LHFPL4: variants seen among roughly 807,000 people sequenced by gnomAD.
The protein encoded by LHFPL4 is LHFPL tetraspan subfamily member 4, also known as LHFPL tetraspan subfamily member 4 protein.
LHFPL4 carries 6 observed loss-of-function variants against 20.0 expected under a neutral mutation model. The observed-to-expected ratio is 0.30, with a 90% confidence interval of 0.16 to 0.59. LHFPL4 has a LOEUF of 0.59. Among genes scored for constraint, LHFPL4 ranks in the 20% least tolerant of loss-of-function variants. LHFPL4 has a pLI of 0.88. For missense variants in LHFPL4, 215 were observed against 331.2 expected (o/e 0.65, Z 2.72); for synonymous variants, 129 against 143.8 (o/e 0.90, Z 0.74).
Position 9,510,525 on chromosome 3 carries a change from T to C in LHFPL4, c.407-4322A>G, listed in dbSNP as rs536058781. On this transcript the variant is annotated intron_variant, in intron 2 of 3. Transcript: ENST00000287585. Reference sequence around the variant, plus strand: ...GGCAGAGGCTCTAGGATGGGATATCTCTATCCAGCTACCCCATGGTCCTAC... The same window carrying C: ...GGCAGAGGCTCTAGGATGGGATATCCCTATCCAGCTACCCCATGGTCCTAC... Among the ~76,000 whole-genome samples, 6 of 151,846 alleles carry C rather than the reference T, an allele frequency of 4.0e-5. No homozygotes were observed. In the East Asian group the frequency reaches 1.2e-3, roughly 29 times the overall value.
intron 2 of LHFPL4, among the ~76,000 whole-genome samples, chr3:9,546,437 T>C (rs982073662): frequency 4.6e-5 from 7 of 152,116 alleles, no homozygotes; most frequent in Non-Finnish European, 1.0e-4. Context: ...CCAGCTTCCA[T>C]TCCATTCTAC....
chr3:9,531,027 C>T (rs2046405377), intron 2 of LHFPL4, among the ~76,000 whole-genome samples: 1 of 152,126 alleles, frequency 6.6e-6, no homozygotes, highest in Non-Finnish European at 1.5e-5. Context: ...AATAGGAAAG[C>T]CAAAGGAGGG....
chr3:9,545,051 G>A (rs1174727533), intron 2 of LHFPL4, among the ~76,000 whole-genome samples: 1 of 152,020 alleles, frequency 6.6e-6, no homozygotes, highest in African/African-American at 2.4e-5. Flanking sequence ...CTAGCACAGT[G>A]CCTGACACAC....
intron 2 of LHFPL4, among the ~76,000 whole-genome samples, chr3:9,523,990 C>CA (rs112931913): frequency 5.1e-5 from 7 of 137,570 alleles, no homozygotes; most frequent in Non-Finnish European, 9.1e-5. Flanking sequence ...ATTTCCCCCC[C>CA]CCCCAACACT....
At chr3:9,504,427 C>T (rs1218846208) in intron 3 of LHFPL4, among the ~76,000 whole-genome samples, 1 of 151,312 alleles carries the variant, frequency 6.6e-6, no homozygotes, top group Non-Finnish European at 1.5e-5. Flanking sequence ...TTTGCATATA[C>T]CTCCACGCTC....
At chr3:9,525,098 G>T (rs1317890825) in intron 2 of LHFPL4, among the ~76,000 whole-genome samples, 1 of 152,144 alleles carries the variant, frequency 6.6e-6, no homozygotes, top group Non-Finnish European at 1.5e-5. Context: ...CAGCAGGTTA[G>T]GCTCTAGTCA....
At chr3:9,507,922 T>G (rs1347163691) in intron 2 of LHFPL4, among the ~76,000 whole-genome samples, 2 of 152,224 alleles carry the variant, frequency 1.3e-5, no homozygotes. Flanking sequence ...GGGGCCCTCG[T>G]ATTGCCAGTC....
chr3:9,507,018 C>A (rs887320332), intron 2 of LHFPL4, among the ~76,000 whole-genome samples: 7 of 152,208 alleles, frequency 4.6e-5, no homozygotes, highest in Non-Finnish European at 8.8e-5. Flanking sequence ...TATGGAGTGC[C>A]AATGATAGGA....
At chr3:9,550,202 C>A (rs574109261) in intron 2 of LHFPL4, among the ~76,000 whole-genome samples, 2 of 152,292 alleles carry the variant, frequency 1.3e-5, no homozygotes, top group African/African-American at 4.8e-5. Flanking sequence ...GGCTTCTGGC[C>A]TGGTGTCACT....
chr3:9,517,679 T>A (rs1211710438), intron 2 of LHFPL4, among the ~76,000 whole-genome samples: 18 of 114,332 alleles, frequency 1.6e-4, no homozygotes, highest in Non-Finnish European at 3.0e-4. Context: ...AGAGCTAGAC[T>A]CTGTCTCAAA....
At chr3:9,549,371 C>T (rs1041788313) in intron 2 of LHFPL4, among the ~76,000 whole-genome samples, 4 of 152,178 alleles carry the variant, frequency 2.6e-5, no homozygotes, top group South Asian at 2.1e-4. Context: ...ATGCTCTGCA[C>T]TCAGAAGACC....
At chr3:9,535,304 C>T (rs913578215) in intron 2 of LHFPL4, among the ~76,000 whole-genome samples, 6 of 152,186 alleles carry the variant, frequency 3.9e-5, no homozygotes, top group Non-Finnish European at 8.8e-5. Context: ...CTCTACAACT[C>T]TATGGAATAG....
chr3:9,513,739 T>C (rs17050417), intron 2 of LHFPL4, among the ~76,000 whole-genome samples: 3,221 of 152,304 alleles, frequency 0.021, 115 homozygotes, highest in African/African-American at 0.074. Context: ...ATCATGTGTA[T>C]TTATTGGGAA....
In LHFPL4 at chr3:9,512,035, C is replaced by T. The variant is rs1373348105; in HGVS notation, c.407-5832G>A. On this transcript the variant is annotated intron_variant, in intron 2 of 3. Transcript: ENST00000287585. ...GCAAGTTCCGCCTCCCAGGTTCACA[C>T]CATTCGCCTTCCTCAGCCTGCCGAA... 2.6e-5 allele frequency among the ~76,000 whole-genome samples: 4 copies of T among 152,078 alleles called. No homozygotes were observed. In the East Asian group the frequency reaches 7.7e-4, roughly 29 times the overall value.
rs2046170129 is a variant in LHFPL4, at chr3:9,501,221, G to A, written c.*990C>T. 1 of 152,686 alleles carries A rather than the reference G, an allele frequency of 6.5e-6. No individual in the cohort carries two copies. The highest frequency in any genetic ancestry group is 2.1e-4 in the South Asian group (1 of 4,834). 9.5% of individuals were successfully genotyped at this position (152,686 alleles called of 1,614,324 possible). On this transcript the variant is annotated 3_prime_UTR_variant, in exon 4 of 4. Coordinates refer to ENST00000287585, the MANE Select transcript of LHFPL4 (RefSeq NM_198560.3). ...CAGTCTCTGCCCTTGGTAGACGCCT[G>A]GGGTATGGAGGGCATGAAAAGGGGC...
At chr3:9,538,398 C>T (rs2046456613) in intron 2 of LHFPL4, among the ~76,000 whole-genome samples, 1 of 152,226 alleles carries the variant, frequency 6.6e-6, no homozygotes, top group African/African-American at 2.4e-5. Flanking sequence ...CCCAACTGTT[C>T]CCACTTTTCA....
chr3:9,502,602 C>A (rs928081880), intron 3 of LHFPL4, among the ~76,000 whole-genome samples: 13 of 151,822 alleles, frequency 8.6e-5, no homozygotes, highest in Admixed American at 2.6e-4. Flanking sequence ...ACTTGGGAGG[C>A]TGAGGCAGGA....
chr3:9,553,445 G>A (rs1042328424), intron 1 of LHFPL4, among the ~76,000 whole-genome samples: 8 of 151,806 alleles, frequency 5.3e-5, no homozygotes, highest in African/African-American at 1.9e-4. Flanking sequence ...GTAGGCTGGA[G>A]GGAGCCTAGG....
chr3:9,539,270 A>G (rs1309704516), intron 2 of LHFPL4, among the ~76,000 whole-genome samples: 1 of 151,866 alleles, frequency 6.6e-6, no homozygotes, highest in Non-Finnish European at 1.5e-5. Flanking sequence ...CCTGGTCAAC[A>G]TGGCAAAACT....
Sources: allele counts gnomAD v4.1 joint callset (sites outside exome capture counted in the v4.1 genomes callset), GRCh38; gene constraint gnomAD v4.1.1; transcripts MANE v1.5; gene names NCBI Gene and HGNC (gene_info 2026-07-23, HGNC 2026-07-21).